Variants in CENPF observed in about 807,000 individuals in gnomAD.
CENPF encodes AH antigen.
A neutral mutation model predicts 307.3 loss-of-function variants in CENPF; 214 were observed. The observed-to-expected ratio is 0.70, with a 90% confidence interval of 0.62 to 0.78. The LOEUF is 0.78. Among genes scored for constraint, CENPF ranks in the 30% least tolerant of loss-of-function variants. CENPF has a pLI of 0.00. For synonymous variants in CENPF, 1,259 were observed against 1,270.6 expected (o/e 0.99, Z 0.19); for missense variants, 3,401 against 3,483.9 (o/e 0.98, Z 0.60).
chr1:214,632,300 C>G (rs1055967115), intron 9 of CENPF, among the ~76,000 whole-genome samples, 180 bp from the exon 10 acceptor site: 1 of 152,114 alleles, frequency 6.6e-6, no homozygotes, highest in Non-Finnish European at 1.5e-5. Flanking sequence ...CGCTGAGTGA[C>G]GTCGCAAGGT....
chr1:214,620,703 G>A lies in CENPF; in HGVS notation c.622G>A (p.Ala208Thr), dbSNP rs768083182. The A allele has an allele frequency of 1.4e-5, 22 of 1,614,106 alleles. No homozygotes were observed. Among genetic ancestry groups the A allele is most frequent in the Non-Finnish European group, 1.8e-5 (21 of 1,180,016 alleles). The change falls in exon 6 of 20, where the codon GCC becomes ACC. Residue 208 changes from alanine to threonine, a missense_variant. Physicochemically the swap from Ala to Thr is moderately conservative, Grantham distance 58. Coordinates refer to ENST00000366955, the MANE Select transcript of CENPF (RefSeq NM_016343.4). ...AGCCACCATGAATCACCGCGACATTGCCCGGCATCAGGCTTCATCATCTGT... is the reference window on the plus strand; with the variant it reads ...AGCCACCATGAATCACCGCGACATTACCCGGCATCAGGCTTCATCATCTGT... ...PQATMNHRDIARHQASSSVFS... is the reference protein window; with the variant it reads ...PQATMNHRDITRHQASSSVFS...
chr1:214,603,686 T>G (rs1179267537), intron 1 of CENPF: 3 of 152,322 alleles, frequency 2.0e-5, no homozygotes, highest in East Asian at 3.9e-4. Context: ...GTAACCAACC[T>G]TATTGAAATT....
chr1:214,636,081 G>A (rs543067117), intron 10 of CENPF, among the ~76,000 whole-genome samples: 2 of 152,068 alleles, frequency 1.3e-5, no homozygotes, highest in African/African-American at 2.4e-5. Context: ...CCTCTTCTAT[G>A]TTGACCTCAT....
At chr1:214,607,439 G>A (rs2102523515) in intron 1 of CENPF, among the ~76,000 whole-genome samples, 1 of 152,306 alleles carries the variant, frequency 6.6e-6, no homozygotes, top group East Asian at 1.9e-4. Flanking sequence ...GTTGGTGTCA[G>A]CGCCCCACAC....
rs1166600191 is a variant in CENPF, at chr1:214,651,902, T to C, written c.8160+16T>C. ...AAACAAACAGGTGAAATGTGGGGTTTGGTTACTGGGGGAGCTGGAGAGTGT... is the reference window on the plus strand; with the variant it reads ...AAACAAACAGGTGAAATGTGGGGTTCGGTTACTGGGGGAGCTGGAGAGTGT... On this transcript the variant is annotated intron_variant, in intron 15 of 19. Transcript: ENST00000366955. 8 of 1,583,326 alleles carry C rather than the reference T, an allele frequency of 5.1e-6. No homozygotes were observed. The highest frequency in any genetic ancestry group is 6.0e-6 in the Non-Finnish European group (7 of 1,169,702).
At position 214,645,559 on chromosome 1, in the gene CENPF, G is replaced by A. The variant is rs1288822858; in HGVS notation, c.5989G>A (p.Glu1997Lys). The change falls in exon 13 of 20, where the codon GAG becomes AAG. Residue 1997 changes from glutamate to lysine, a missense_variant. Physicochemically the swap from Glu to Lys is moderately conservative, Grantham distance 56. Coordinates refer to ENST00000366955, the MANE Select transcript of CENPF (RefSeq NM_016343.4). ...KTQELESHQSECLHCIQVAEA... is the reference protein window; with the variant it reads ...KTQELESHQSKCLHCIQVAEA... The stretch of plus-strand genomic sequence containing the variant: ...ACAAGAGCTTGAGTCTCATCAAAGT[G>A]AGTGTCTCCATTGCATTCAGGTGGC... The A allele has an allele frequency of 6.2e-6, 10 of 1,614,010 alleles. No homozygotes were observed. In the African/African-American group the frequency reaches 1.3e-4, roughly 22 times the overall value.
Position 214,641,020 on chromosome 1 carries a change from T to A in CENPF, c.2682T>A (p.Ala894=). The A allele has an allele frequency of 1.3e-6, 2 of 1,570,698 alleles. No individual in the cohort carries two copies. The highest frequency in any genetic ancestry group is 1.7e-6 in the Non-Finnish European group (2 of 1,165,962). Residue 894 remains alanine (A), a synonymous_variant, in exon 12 of 20, where the codon GCT becomes GCA. Coordinates refer to ENST00000366955, the MANE Select transcript of CENPF (RefSeq NM_016343.4). The part of the protein sequence containing the change: ...RISKLQEDTS[A]HQNVVAETLS... The stretch of plus-strand genomic sequence containing the variant: ...GTAAGTTACAGGAAGACACTTCTGC[T>A]CACCAGAATGTTGTTGCTGAAACCT...
intron 1 of CENPF, chr1:214,605,959 C>T (rs1571689160): frequency 1.9e-6 from 3 of 1,597,290 alleles, no homozygotes; most frequent in South Asian, 1.1e-5. Context: ...CGCGCATGCC[C>T]GAGGTGAGCG....
chr1:214,609,859 A>G (rs538271934), intron 1 of CENPF, among the ~76,000 whole-genome samples: 2 of 152,334 alleles, frequency 1.3e-5, no homozygotes, highest in South Asian at 2.1e-4. Context: ...TGTTCCTGCA[A>G]AAAACCATGA....
intron 1 of CENPF, among the ~76,000 whole-genome samples, chr1:214,608,140 G>A (rs1176549593): frequency 6.6e-6 from 1 of 152,222 alleles, no homozygotes; most frequent in African/African-American, 2.4e-5. Flanking sequence ...GCCATGTGGA[G>A]GCTGCACCTG....
Position 214,652,068 on chromosome 1 carries a change from ATTT to A in CENPF, c.8160+198_8160+200del, listed in dbSNP as rs35011701. On this transcript the variant is annotated intron_variant, in intron 15 of 19. Transcript: ENST00000366955. ...GGTCCCTCTCTTATTTTATCAGTTG[ATTT>A]TTTTTTTTTTTTTTTGAGATGGGGT... Among the ~76,000 whole-genome samples, 1,016 of 127,064 alleles carry A rather than the reference ATTT, an allele frequency of 8.0e-3. 16 individuals carry two copies. The highest frequency in any genetic ancestry group is 0.028 in the African/African-American group (926 of 33,312). 83.4% of individuals were successfully genotyped at this position (127,064 alleles called of 152,430 possible).
intron 12 of CENPF, among the ~76,000 whole-genome samples, chr1:214,643,754 A>T (rs1254446896): frequency 6.6e-6 from 1 of 152,226 alleles, no homozygotes. Context: ...TCGTCATGAA[A>T]CTAAATACAG....
rs770113880 is a variant in CENPF at position 214,637,971 on chromosome 1, CAG to C, written c.1555_1556del (p.Ser519ProfsTer43). 1.2e-6 allele frequency: 2 copies of C among 1,610,446 alleles called. No homozygotes were observed. The highest frequency in any genetic ancestry group is 1.7e-6 in the Non-Finnish European group (2 of 1,179,304). The stretch of plus-strand genomic sequence containing the variant: ...CAAGAACATCAAACAGTGTTTAAAT[CAG>C]AGCCAGAATTTTGCAGAAGAAATGA... ...ELKNIKQCLN[Q>X]SQNFAEEMKA... On this transcript the variant is annotated frameshift_variant, in exon 11 of 20. Transcript: ENST00000366955. LOFTEE classifies it high-confidence loss of function.
chr1:214,608,534 ACATG>A, intron 1 of CENPF: 3 of 1,611,856 alleles, frequency 1.9e-6, no homozygotes, highest in Non-Finnish European at 2.5e-6. Context: ...CAGCGAACAT[ACATG>A]CAGGAGACGC....
chr1:214,646,301 A>G lies in CENPF; in HGVS notation c.6731A>G (p.Glu2244Gly), dbSNP rs768347750. ...TTTAAAAGTCTGTTAGAAGAAAAGG[A>G]GCAAGCAGAGATACAGATCAAAGAA... is the stretch of plus-strand genomic sequence containing the variant. ...SSFKSLLEEK[E>G]QAEIQIKEES... The change falls in exon 13 of 20, where the codon GAG (glutamate) becomes GGG (glycine). Residue 2244 changes from glutamate to glycine, a missense_variant. Glu to Gly is a moderately conservative substitution (Grantham distance 98). Coordinates refer to ENST00000366955, the MANE Select transcript of CENPF (RefSeq NM_016343.4). The G allele has an allele frequency of 1.5e-5, 24 of 1,614,150 alleles. 1 individual carries two copies. The highest frequency in any genetic ancestry group is 3.3e-5 in the Admixed American group (2 of 60,004).
chr1:214,620,703 G>T lies in CENPF; in HGVS notation c.622G>T (p.Ala208Ser), dbSNP rs768083182. 5 of 1,613,990 alleles carry T rather than the reference G, an allele frequency of 3.1e-6. No individual in the cohort carries two copies. Among genetic ancestry groups the T allele is most frequent in the Non-Finnish European group, 4.2e-6 (5 of 1,180,026 alleles). The change falls in exon 6 of 20, where the codon GCC becomes TCC. Residue 208 changes from alanine (A) to serine (S), a missense_variant. Ala to Ser is a moderately conservative substitution (Grantham distance 99). Coordinates refer to ENST00000366955, the MANE Select transcript of CENPF (RefSeq NM_016343.4). ...PQATMNHRDI[A>S]RHQASSSVFS... ...AGCCACCATGAATCACCGCGACATT[G>T]CCCGGCATCAGGCTTCATCATCTGT...
At chr1:214,611,215 A>G (rs2102527696) in intron 1 of CENPF, among the ~76,000 whole-genome samples, 1 of 152,286 alleles carries the variant, frequency 6.6e-6, no homozygotes, top group Middle Eastern at 3.4e-3. Context: ...AGTTCTGTGA[A>G]CAATGTCTTT....
Position 214,642,565 on chromosome 1 carries a change from G to T in CENPF, c.4227G>T (p.Glu1409Asp). The change falls in exon 12 of 20, where the codon GAG becomes GAT. Residue 1409 changes from glutamate to aspartate, a missense_variant. Transcript: ENST00000366955. ...EVQMHFAELQEKFLSLQSEHK... is the reference protein window; with the variant it reads ...EVQMHFAELQDKFLSLQSEHK... ...AAATGCACTTTGCCGAATTGCAAGAGAAATTCTTATCTTTACAAAGTGAAC... is the reference window on the plus strand; with the variant it reads ...AAATGCACTTTGCCGAATTGCAAGATAAATTCTTATCTTTACAAAGTGAAC... 1 of 1,610,736 alleles carries T rather than the reference G, an allele frequency of 6.2e-7. No individual in the cohort carries two copies. Among genetic ancestry groups the T allele is most frequent in the Non-Finnish European group, 8.5e-7 (1 of 1,178,572 alleles).
In CENPF at chr1:214,606,444, T is replaced by G. The variant is rs190244432; in HGVS notation, c.-42+3123T>G. Among the ~76,000 whole-genome samples the G allele has an allele frequency of 6.5e-3, 989 of 152,270 alleles. 6 individuals are homozygous for G. Among genetic ancestry groups the G allele is most frequent in the East Asian group, 0.021 (108 of 5,168 alleles). On this transcript the variant is annotated intron_variant, in intron 1 of 19. Transcript: ENST00000366955. Reference sequence around the variant, plus strand: ...TGGGAACTGTGTGCCCCCCACATCCTGAATGCTTCACGCCTTCCTGCCCGG... The same window carrying G: ...TGGGAACTGTGTGCCCCCCACATCCGGAATGCTTCACGCCTTCCTGCCCGG...
Sources: allele counts gnomAD v4.1 joint callset (sites outside exome capture counted in the v4.1 genomes callset), GRCh38; gene constraint gnomAD v4.1.1; transcripts MANE v1.5; gene names NCBI Gene and HGNC (gene_info 2026-07-23, HGNC 2026-07-21).